BRD9: variants seen among roughly 807,000 people sequenced by gnomAD.
The protein encoded by BRD9 is bromodomain-containing protein 9.
Under a neutral mutation model 68.7 loss-of-function variants are expected in BRD9, and 47 were observed. That is an observed-to-expected ratio of 0.68 (90% CI 0.54 to 0.87). BRD9 has a LOEUF of 0.87. BRD9 is among the 40% of genes least tolerant of loss of function. The pLI, the probability that BRD9 is intolerant of heterozygous loss-of-function variation, is 0.00. For missense variants in BRD9, 670 were observed against 748.4 expected, an observed-to-expected ratio of 0.90 and a Z score of 1.22; for synonymous variants, 313 against 293.9, an observed-to-expected ratio of 1.06 and a Z score of -0.67.
At chr5:871,480 C>A (rs1750119214) in intron 13 of BRD9, 46 bp downstream of exon 13, 3 of 1,587,926 alleles carry the variant, frequency 1.9e-6, no homozygotes, top group Non-Finnish European at 2.6e-6. Context: ...ACAACTTTCC[C>A]TGTGAGAATA....
At chr5:870,322 CAA>C in intron 14 of BRD9, 149 bp downstream of exon 14, 1 of 632,488 alleles carries the variant, frequency 1.6e-6, no homozygotes, top group East Asian at 2.8e-5. Flanking sequence ...AGCTATGGTC[CAA>C]AAACCTGGGA....
At chr5:869,267 T>A in intron 14 of BRD9, 1 of 455,048 alleles carries the variant, frequency 2.2e-6, no homozygotes, top group Non-Finnish European at 4.4e-6. Flanking sequence ...TCTTTTGGAA[T>A]TCAGGCACAG....
At chr5:878,249 C>A in intron 11 of BRD9, 106 bp downstream of exon 11, 1 of 1,514,304 alleles carries the variant, frequency 6.6e-7, no homozygotes, top group Non-Finnish European at 8.9e-7. Flanking sequence ...TGGACGGCTG[C>A]AAGATGGCTC....
chr5:881,189 G>A lies in BRD9; in HGVS notation c.967-7C>T, dbSNP rs1389907001. On this transcript the variant is annotated splice_polypyrimidine_tract_variant and splice_region_variant and intron_variant, in intron 8 of 15. Coordinates refer to ENST00000467963, the MANE Select transcript of BRD9 (RefSeq NM_023924.5). ...TCCTCTTCAGATAGCCCATCTGGAA[G>A]GAAGCACTGCCTGAGCGTCTGTCCC... 2 of 1,613,724 alleles carry A rather than the reference G, an allele frequency of 1.2e-6. No individual in the cohort carries two copies. The highest frequency in any genetic ancestry group is 1.7e-6 in the Non-Finnish European group (2 of 1,179,886).
Position 864,486 on chromosome 5 carries a change from C to T in BRD9, c.1776G>A (p.Ala592=), listed in dbSNP as rs772275207. 8.1e-6 allele frequency: 13 copies of T among 1,613,004 alleles called. No homozygotes were observed. Among genetic ancestry groups the T allele is most frequent in the Middle Eastern group, 1.6e-4 (1 of 6,078 alleles). ...PYEFLQSPEP[A]ASAKT ...TCTAGAGTTAGGTCTTGGCAGAGGC[C>T]GCAGGCTCTGGAGACTGAAGAAACT... Residue 592 remains alanine (A), a synonymous_variant, in exon 16 of 16, where the codon GCG becomes GCA. Coordinates refer to ENST00000467963, the MANE Select transcript of BRD9 (RefSeq NM_023924.5).
chr5:889,849 T>C (rs1367300336), intron 3 of BRD9: 4 of 1,121,920 alleles, frequency 3.6e-6, no homozygotes, highest in Non-Finnish European at 5.0e-6. Context: ...ACAGCAGGAG[T>C]CATAAAAATC....
At chr5:890,117 G>T (rs953972558) in intron 3 of BRD9, 2 of 304,222 alleles carry the variant, frequency 6.6e-6, no homozygotes, top group African/African-American at 2.2e-5. Context: ...GATCGCTTGA[G>T]CCCAGGGTTA....
chr5:889,819 C>T lies in BRD9; in HGVS notation c.401-172G>A, dbSNP rs1753090540. 11 of 1,420,176 alleles carry T rather than the reference C, an allele frequency of 7.7e-6. 1 individual carries two copies. Among genetic ancestry groups the T allele is most frequent in the South Asian group, 7.3e-5 (6 of 82,146 alleles). The allele number at this position is 1,420,176 out of a possible 1,614,324, so 88.0% of individuals were successfully genotyped here. On this transcript the variant is annotated intron_variant, in intron 3 of 15. Coordinates refer to ENST00000467963, the MANE Select transcript of BRD9 (RefSeq NM_023924.5). ...AGCCTTGGCTCCCACCAAGCTCAGC[C>T]GGGTAGAAAGGGCACCCCCACAGCA...
At chr5:869,049 T>A (rs1184277206) in intron 14 of BRD9, 1 of 267,088 alleles carries the variant, frequency 3.7e-6, no homozygotes, top group Non-Finnish European at 7.3e-6. Flanking sequence ...AGCTATCAAA[T>A]GGGGTTCCCA....
chr5:883,247 T>A, intron 8 of BRD9: 1 of 443,386 alleles, frequency 2.3e-6, no homozygotes, highest in South Asian at 1.6e-5. Flanking sequence ...AGACTTAATA[T>A]GAAAAAAACC....
At chr5:880,604 C>T (rs528228230) in intron 9 of BRD9, among the ~76,000 whole-genome samples, 5,712 of 152,218 alleles carry the variant, frequency 0.038, 338 homozygotes, top group African/African-American at 0.13. Context: ...ATCACACTTT[C>T]GTTCAAAGGA....
chr5:880,542 C>T (rs1264716832), intron 9 of BRD9, among the ~76,000 whole-genome samples: 1 of 152,100 alleles, frequency 6.6e-6, no homozygotes, highest in Non-Finnish European at 1.5e-5. Context: ...GCAACCCGTG[C>T]CAGGCTGCAC....
At chr5:892,281 AG>A (rs1381565428) in intron 1 of BRD9, 14 of 494,082 alleles carry the variant, frequency 2.8e-5, no homozygotes, top group Non-Finnish European at 3.8e-5. Flanking sequence ...AGGGAGGGAA[AG>A]GCGGGAGAAA....
chr5:886,684 T>C lies in BRD9; in HGVS notation c.741A>G (p.Glu247=). ...GGACAGGTTCCTCAACAGCTGTATC[T>C]TCATTGCCCAAAAGAGCTGCCTGCT... ...MSKQAALLGN[E]DTAVEEPVPE... Residue 247 remains glutamate (E), a synonymous_variant, in exon 7 of 16, where the codon GAA becomes GAG. Transcript: ENST00000467963. The C allele has an allele frequency of 1.2e-6, 2 of 1,614,204 alleles. No individual in the cohort carries two copies. The highest frequency in any genetic ancestry group is 1.7e-6 in the Non-Finnish European group (2 of 1,180,026).
At chr5:892,495 C>T in intron 1 of BRD9, 111 bp downstream of exon 1, 2 of 1,471,496 alleles carry the variant, frequency 1.4e-6, no homozygotes, top group South Asian at 1.3e-5. Flanking sequence ...GAACCCCTCC[C>T]TCGTGGCCAG....
intron 12 of BRD9, among the ~76,000 whole-genome samples, chr5:873,504 C>T (rs565782176): frequency 1.6e-4 from 25 of 152,364 alleles, no homozygotes; most frequent in Middle Eastern, 3.4e-3. Context: ...CTTGCAGATA[C>T]CGCCCTTCTA....
At position 881,098 on chromosome 5, in the gene BRD9, G is replaced by A. The variant is rs1751677163; in HGVS notation, c.1042+9C>T. 1 of 1,613,718 alleles carries A rather than the reference G, an allele frequency of 6.2e-7. No homozygotes were observed. The highest frequency in any genetic ancestry group is 1.1e-5 in the South Asian group (1 of 91,086). ...GAGAGCATAAAGCCAGCCCTGAGCG[G>A]GCACCCACCATCAGCGTCCGGCTCG... On this transcript the variant is annotated intron_variant, in intron 9 of 15. Coordinates refer to ENST00000467963, the MANE Select transcript of BRD9 (RefSeq NM_023924.5).
Position 878,366 on chromosome 5 carries a change from C to A in BRD9, c.1260G>T (p.Gln420His). The change falls in exon 11 of 16, where the codon CAG becomes CAT. Residue 420 changes from glutamine (Q) to histidine (H), a missense_variant. Transcript: ENST00000467963. ...YSAYGDETGVQCALSLQEFVK... is the reference protein window; with the variant it reads ...YSAYGDETGVHCALSLQEFVK... ...GGGCCGACACTTGCCTCAGCGCACA[C>A]TGCACGCCTGTCTCATCTCCGTAGG... The A allele has an allele frequency of 6.2e-7, 1 of 1,614,044 alleles. No homozygotes were observed. Among genetic ancestry groups the A allele is most frequent in the East Asian group, 2.2e-5 (1 of 44,884 alleles).
Position 876,099 on chromosome 5 carries a change from A to G in BRD9, c.1383+2T>C. On this transcript the variant is annotated splice_donor_variant, in intron 12 of 15. Transcript: ENST00000467963. LOFTEE classifies it high-confidence loss of function. ...CCCAACCCCGGTGCGAGTGCAGCCC[A>G]CCTGCTTCAGCTGGAAGAGCGTCCT... 2.5e-6 allele frequency: 4 copies of G among 1,608,936 alleles called. No individual in the cohort carries two copies. Among genetic ancestry groups the G allele is most frequent in the Non-Finnish European group, 2.5e-6 (3 of 1,177,074 alleles).
Sources: gnomAD v4.1 joint callset for allele counts (sites outside exome capture counted in the v4.1 genomes callset) on GRCh38, gnomAD v4.1.1 for gene constraint, MANE v1.5 for transcripts, NCBI Gene and HGNC (gene_info 2026-07-23, HGNC 2026-07-21) for gene names.